F13A1: variants seen among roughly 807,000 people sequenced by gnomAD.
The protein encoded by F13A1 is FSF, A subunit.
A neutral mutation model predicts 80.1 loss-of-function variants in F13A1; 47 were observed. The observed-to-expected ratio is 0.59, with a 90% CI of 0.46 to 0.75. F13A1 has a LOEUF of 0.75. Ranked by LOEUF, F13A1 falls within the 30% of genes least tolerant of loss-of-function variation. F13A1 has a pLI of 0.00. For synonymous variants in F13A1, 349 were observed against 344.9 expected, an observed-to-expected ratio of 1.01 and a Z score of -0.13; for missense variants, 817 against 930.4, an observed-to-expected ratio of 0.88 and a Z score of 1.59.
chr6:6,266,136 T>C (rs1357460712), intron 4 of F13A1, among the ~76,000 whole-genome samples: 2 of 152,230 alleles, frequency 1.3e-5, no homozygotes, highest in Non-Finnish European at 2.9e-5. Flanking sequence ...TCTTTCTCTT[T>C]CAATCATTAA....
chr6:6,241,688 T>C (rs1381080607), intron 6 of F13A1, among the ~76,000 whole-genome samples: 1 of 152,196 alleles, frequency 6.6e-6, no homozygotes, highest in Non-Finnish European at 1.5e-5. Flanking sequence ...AGATATTGCT[T>C]TGTAATTAAA....
At chr6:6,209,525 A>G (rs1761563038) in intron 8 of F13A1, among the ~76,000 whole-genome samples, 1 of 152,202 alleles carries the variant, frequency 6.6e-6, no homozygotes, top group African/African-American at 2.4e-5. Context: ...TAAAAAACAT[A>G]TGTTCACATA....
chr6:6,242,065 T>C (rs1757490380), intron 6 of F13A1, among the ~76,000 whole-genome samples: 1 of 148,514 alleles, frequency 6.7e-6, no homozygotes, highest in South Asian at 2.1e-4. Flanking sequence ...AAAAAATCTT[T>C]CTAAATACTG....
At chr6:6,264,459 C>T (rs573423964) in intron 4 of F13A1, among the ~76,000 whole-genome samples, 6 of 152,304 alleles carry the variant, frequency 3.9e-5, no homozygotes, top group African/African-American at 9.6e-5. Flanking sequence ...TTGCTTCCTA[C>T]ATACTCTTCC....
chr6:6,212,422 G>T (rs1189668411), intron 8 of F13A1, among the ~76,000 whole-genome samples: 1 of 152,216 alleles, frequency 6.6e-6, no homozygotes. Context: ...GGGGCACACT[G>T]ACACCTCACA....
intron 6 of F13A1, among the ~76,000 whole-genome samples, chr6:6,228,359 C>T (rs934629918): frequency 6.6e-6 from 1 of 152,174 alleles, no homozygotes; most frequent in African/African-American, 2.4e-5. Context: ...CATGGCTCAG[C>T]TCCTAACCTT....
intron 10 of F13A1, among the ~76,000 whole-genome samples, chr6:6,186,852 A>T (rs1466621251): frequency 3.6e-4 from 54 of 149,930 alleles, no homozygotes; most frequent in Non-Finnish European, 4.4e-5. Context: ...CTTCCTACCC[A>T]TGAGCATGGA....
At chr6:6,286,049 A>C (rs1164363699) in intron 3 of F13A1, among the ~76,000 whole-genome samples, 2 of 152,234 alleles carry the variant, frequency 1.3e-5, no homozygotes, top group Admixed American at 1.3e-4. Context: ...CACACCACTT[A>C]AGGGAAGAAT....
intron 2 of F13A1, among the ~76,000 whole-genome samples, chr6:6,316,141 A>G (rs1488625378): frequency 7.1e-5 from 4 of 56,334 alleles, no homozygotes; most frequent in South Asian, 5.7e-4. Context: ...ATATATATAT[A>G]TAGTTTTTTT....
chr6:6,192,720 G>A (rs1561649793), intron 10 of F13A1, among the ~76,000 whole-genome samples: 2 of 152,216 alleles, frequency 1.3e-5, no homozygotes, highest in African/African-American at 4.8e-5. Context: ...CTTGAGTGAT[G>A]AGATGGTTGC....
At chr6:6,304,741 T>G (rs542109504) in intron 3 of F13A1, among the ~76,000 whole-genome samples, 59 of 151,768 alleles carry the variant, frequency 3.9e-4, no homozygotes, top group Non-Finnish European at 4.1e-4. Flanking sequence ...TGTGCAACTG[T>G]GGTCCCAGCT....
In F13A1 at chr6:6,226,708, A is replaced by C. The variant is rs568825025; in HGVS notation, c.799-1848T>G. 1.3e-3 allele frequency among the ~76,000 whole-genome samples: 201 copies of C among 152,346 alleles called. 1 individual carries two copies. Among genetic ancestry groups the C allele is most frequent in the African/African-American group, 4.7e-3 (197 of 41,582 alleles). On this transcript the variant is annotated intron_variant, in intron 6 of 14. Coordinates refer to ENST00000264870, the MANE Select transcript of F13A1 (RefSeq NM_000129.4). ...TGAGTTTTACCAAGTGTTAGCAAAG[A>C]CTGGATGCTCTGTAGTTGTTCAATA... is the stretch of plus-strand genomic sequence containing the variant.
intron 6 of F13A1, among the ~76,000 whole-genome samples, chr6:6,237,650 A>G (rs1275804752): frequency 3.3e-5 from 5 of 152,298 alleles, no homozygotes; most frequent in Non-Finnish European, 7.4e-5. Flanking sequence ...CTTGATTTGG[A>G]TGTCCTTACT....
intron 3 of F13A1, among the ~76,000 whole-genome samples, chr6:6,292,302 C>G (rs1454064817): frequency 6.6e-6 from 1 of 152,176 alleles, no homozygotes; most frequent in African/African-American, 2.4e-5. Context: ...TTTGGAAGTG[C>G]TAGCATCTGT....
At chr6:6,308,083 G>A (rs1375825589) in intron 2 of F13A1, among the ~76,000 whole-genome samples, 1 of 151,696 alleles carries the variant, frequency 6.6e-6, no homozygotes, top group Admixed American at 6.6e-5. Context: ...GCGCGATCTC[G>A]GCTCACTGCA....
intron 2 of F13A1, among the ~76,000 whole-genome samples, chr6:6,308,801 T>C (rs559145981): frequency 1.3e-4 from 20 of 151,782 alleles, no homozygotes; most frequent in Non-Finnish European, 2.8e-4. Context: ...TTGTTTTTGT[T>C]TTAGTAGAGA....
intron 3 of F13A1, among the ~76,000 whole-genome samples, chr6:6,278,480 C>A (rs1758018504): frequency 6.6e-6 from 1 of 152,062 alleles, no homozygotes; most frequent in African/African-American, 2.4e-5. Flanking sequence ...CTTGAGGAGG[C>A]CAATGTGCCT....
intron 3 of F13A1, among the ~76,000 whole-genome samples, chr6:6,268,315 G>A (rs553575512): frequency 7.2e-4 from 110 of 152,288 alleles, no homozygotes; most frequent in Non-Finnish European, 1.1e-3. Flanking sequence ...AGATGAGAAG[G>A]AAACCATTAT....
intron 3 of F13A1, among the ~76,000 whole-genome samples, chr6:6,279,316 T>C (rs1758029995): frequency 6.6e-6 from 1 of 152,200 alleles, no homozygotes; most frequent in Non-Finnish European, 1.5e-5. Context: ...TCTAGAGATG[T>C]GAGACAGAGA....
Sources: gnomAD v4.1 joint callset for allele counts (sites outside exome capture counted in the v4.1 genomes callset) on GRCh38, gnomAD v4.1.1 for gene constraint, MANE v1.5 for transcripts, NCBI Gene and HGNC (gene_info 2026-07-23, HGNC 2026-07-21) for gene names.